NCKAP5: variants seen among roughly 807,000 people sequenced by gnomAD.
NCKAP5 encodes the protein nck-associated protein 5.
A neutral mutation model predicts 167.0 loss-of-function variants in NCKAP5; 92 were observed. The observed-to-expected ratio is 0.55, with a 90% CI of 0.47 to 0.66. The LOEUF (loss-of-function observed/expected upper bound fraction) is 0.66. Ranked by LOEUF, NCKAP5 falls within the 30% of genes least tolerant of loss-of-function variation. The pLI, the probability that NCKAP5 is intolerant of heterozygous loss-of-function variation, is 0.00. For missense variants in NCKAP5, 2,378 were observed against 2,315.0 expected (o/e 1.03, Z -0.56); for synonymous variants, 891 against 877.4 (o/e 1.02, Z -0.27).
chr2:133,321,451 A>T (rs1682047034), intron 3 of NCKAP5, among the ~76,000 whole-genome samples: 1 of 152,222 alleles, frequency 6.6e-6, no homozygotes. Flanking sequence ...GGATCACAAG[A>T]TACTGTTGAT....
At chr2:133,541,078 A>T (rs993468560) in intron 2 of NCKAP5, among the ~76,000 whole-genome samples, 1 of 150,914 alleles carries the variant, frequency 6.6e-6, no homozygotes, top group African/African-American at 2.4e-5. Context: ...TAAGTATTTT[A>T]TATATATAGA....
chr2:133,282,606 G>C (rs1163129618), intron 4 of NCKAP5, among the ~76,000 whole-genome samples: 1 of 152,168 alleles, frequency 6.6e-6, no homozygotes, highest in East Asian at 1.9e-4. Context: ...GTATAACATG[G>C]ATGCAATCAG....
chr2:133,648,325 C>A, the NCKAP5 span, among the ~76,000 whole-genome samples: 4 of 151,996 alleles, frequency 2.6e-5, no homozygotes, highest in South Asian at 6.2e-4. Context: ...AACTTCGACA[C>A]CGCATTTTCA....
At chr2:133,081,530 C>T (rs568037935) in intron 6 of NCKAP5, among the ~76,000 whole-genome samples, 1 of 152,132 alleles carries the variant, frequency 6.6e-6, no homozygotes, top group South Asian at 2.1e-4. Flanking sequence ...AAATTCATGT[C>T]TTTATTTTTT....
intron 11 of NCKAP5, among the ~76,000 whole-genome samples, chr2:132,800,571 T>C (rs1684946798): frequency 6.6e-6 from 1 of 152,168 alleles, no homozygotes; most frequent in Admixed American, 6.5e-5. Context: ...TAACCCTCCC[T>C]GTCAGGCTGG....
At chr2:132,924,517 C>T (rs914921215) in intron 8 of NCKAP5, among the ~76,000 whole-genome samples, 4 of 152,134 alleles carry the variant, frequency 2.6e-5, no homozygotes, top group Admixed American at 6.5e-5. Context: ...TGCAGTATGT[C>T]AAATCCTAAA....
chr2:133,436,951 T>C (rs1370546814), intron 3 of NCKAP5, among the ~76,000 whole-genome samples: 3 of 152,166 alleles, frequency 2.0e-5, no homozygotes, highest in African/African-American at 7.2e-5. Flanking sequence ...AATTGCAGAT[T>C]ACCCTCCTTG....
intron 11 of NCKAP5, among the ~76,000 whole-genome samples, chr2:132,853,047 C>G (rs1220796432): frequency 6.6e-6 from 1 of 152,164 alleles, no homozygotes; most frequent in Non-Finnish European, 1.5e-5. Flanking sequence ...GCAATATATT[C>G]TGGCTGTCCC....
intron 3 of NCKAP5, among the ~76,000 whole-genome samples, chr2:133,385,162 A>G (rs1480133076): frequency 6.6e-6 from 1 of 152,200 alleles, no homozygotes; most frequent in Non-Finnish European, 1.5e-5. Flanking sequence ...TTGCCCATTC[A>G]GTATGATATT....
At chr2:133,188,594 A>T (rs2085061263) in intron 5 of NCKAP5, among the ~76,000 whole-genome samples, 1 of 152,204 alleles carries the variant, frequency 6.6e-6, no homozygotes, top group South Asian at 2.1e-4. Flanking sequence ...CTCTCAGACC[A>T]CAGTGCAATC....
intron 3 of NCKAP5, among the ~76,000 whole-genome samples, chr2:133,477,093 T>G (rs2151301791): frequency 6.6e-6 from 1 of 152,324 alleles, no homozygotes; most frequent in East Asian, 1.9e-4. Flanking sequence ...TGATACTCCC[T>G]TATGGAGAAA....
chr2:132,759,058 T>C (rs2104843219), intron 16 of NCKAP5, among the ~76,000 whole-genome samples: 1 of 152,314 alleles, frequency 6.6e-6, no homozygotes, highest in Non-Finnish European at 1.5e-5. Context: ...TCTTACCATA[T>C]TGTTTAGTTT....
chr2:133,536,444 T>G (rs1210220015), intron 2 of NCKAP5, among the ~76,000 whole-genome samples: 2 of 152,102 alleles, frequency 1.3e-5, no homozygotes, highest in Admixed American at 6.5e-5. Context: ...TTCAGTTGAT[T>G]GTAGGTATGT....
At chr2:133,194,138 G>C (rs1291555929) in intron 5 of NCKAP5, among the ~76,000 whole-genome samples, 1 of 151,946 alleles carries the variant, frequency 6.6e-6, no homozygotes, top group Non-Finnish European at 1.5e-5. Flanking sequence ...TTTTTCTAAG[G>C]CTCCTTTTTT....
At chr2:132,740,388 A>G (rs1292288384) in intron 16 of NCKAP5, among the ~76,000 whole-genome samples, 1 of 152,146 alleles carries the variant, frequency 6.6e-6, no homozygotes, top group East Asian at 1.9e-4. Context: ...AACTTAAACT[A>G]CAGATGGGAA....
chr2:133,142,634 T>C (rs184481546), intron 5 of NCKAP5, among the ~76,000 whole-genome samples: 20 of 152,258 alleles, frequency 1.3e-4, no homozygotes, highest in Non-Finnish European at 2.2e-4. Context: ...CATGGACACA[T>C]TAATATCTGC....
chr2:133,334,807 T>G (rs1683104882), intron 3 of NCKAP5, among the ~76,000 whole-genome samples: 1 of 152,108 alleles, frequency 6.6e-6, no homozygotes, highest in Non-Finnish European at 1.5e-5. Context: ...TGAATTAGGG[T>G]GCCCCTCACA....
chr2:132,937,755 C>T (rs139417818), intron 8 of NCKAP5, among the ~76,000 whole-genome samples: 189 of 152,292 alleles, frequency 1.2e-3, no homozygotes, highest in African/African-American at 3.9e-3. Flanking sequence ...TGGTGTGCAA[C>T]AGGATATAGT....
chr2:132,902,340 C>T (rs997651096), intron 8 of NCKAP5, among the ~76,000 whole-genome samples: 5 of 152,190 alleles, frequency 3.3e-5, no homozygotes, highest in African/African-American at 9.7e-5. Context: ...TAAAACTCAA[C>T]TAGCAACACA....
Sources: allele counts gnomAD v4.1 joint callset (sites outside exome capture counted in the v4.1 genomes callset), GRCh38; gene constraint gnomAD v4.1.1; transcripts MANE v1.5; gene names NCBI Gene and HGNC (gene_info 2026-07-23, HGNC 2026-07-21).